HSPA12A: variants seen among roughly 807,000 people sequenced by gnomAD.
HSPA12A encodes heat shock 70 kDa protein 12A.
In HSPA12A, 28 loss-of-function variants were observed where a neutral mutation model predicts 69.2. That is an observed-to-expected ratio of 0.40 (90% CI 0.30 to 0.55). HSPA12A has a LOEUF of 0.55. HSPA12A is among the 20% of genes least tolerant of loss of function. The pLI, the probability that HSPA12A is intolerant of heterozygous loss-of-function variation, is 0.38. For missense variants in HSPA12A, 686 were observed against 900.7 expected, an observed-to-expected ratio of 0.76 and a Z score of 3.05; for synonymous variants, 345 against 370.5, an observed-to-expected ratio of 0.93 and a Z score of 0.79.
chr10:116,791,551 T>G (rs1844700087), intron 2 of HSPA12A, among the ~76,000 whole-genome samples: 1 of 152,220 alleles, frequency 6.6e-6, no homozygotes, highest in African/African-American at 2.4e-5. Flanking sequence ...ATGTCTCAAA[T>G]GCCTAATGCT....
upstream of HSPA12A, chr10:116,850,026 G>C (rs1363679713): frequency 6.3e-5 from 36 of 568,756 alleles, 1 homozygote; most frequent in South Asian, 6.6e-4. Context: ...CGCTGCCTAA[G>C]AGGCCTCTCC....
intron 10 of HSPA12A, among the ~76,000 whole-genome samples, chr10:116,677,312 G>A (rs531028056): frequency 2.0e-5 from 3 of 152,168 alleles, no homozygotes; most frequent in South Asian, 2.1e-4. Flanking sequence ...AGCAAATGGC[G>A]CCTCTGTCCC....
chr10:116,795,955 G>A (rs1844814231), intron 2 of HSPA12A, among the ~76,000 whole-genome samples: 1 of 150,730 alleles, frequency 6.6e-6, no homozygotes, highest in Non-Finnish European at 1.5e-5. Context: ...GATCATCCGG[G>A]CTAACATGGT....
chr10:116,782,891 C>T (rs1554891960), intron 2 of HSPA12A, among the ~76,000 whole-genome samples: 1 of 152,144 alleles, frequency 6.6e-6, no homozygotes, highest in Non-Finnish European at 1.5e-5. Flanking sequence ...AGGCCTGATG[C>T]CTGGCAACAT....
intron 2 of HSPA12A, among the ~76,000 whole-genome samples, chr10:116,816,850 A>C (rs961214054): frequency 3.3e-5 from 5 of 152,040 alleles, no homozygotes; most frequent in South Asian, 2.1e-4. Flanking sequence ...GCTTCCAACA[A>C]CACCTTTGCT....
In HSPA12A at chr10:116,705,200, C is replaced by T. The variant is rs1480638222; in HGVS notation, c.205G>A (p.Gly69Ser). ...TCCTTGGTGAAGCTGTAGGCATAGC[C>T]ACTGGATGTGGTCCCAAAGTCGACG... is the stretch of plus-strand genomic sequence containing the variant. ...VAVDFGTTSS[G>S]YAYSFTKEPE... Residue 69 changes from glycine to serine, a missense_variant, in exon 3 of 12, where the codon GGC (glycine) becomes AGC (serine). Physicochemically the swap from Gly to Ser is moderately conservative, Grantham distance 56. Transcript: ENST00000369209. 2 of 1,614,096 alleles carry T rather than the reference C, an allele frequency of 1.2e-6. No homozygotes were observed. The highest frequency in any genetic ancestry group is 1.7e-5 in the Admixed American group (1 of 60,014).
chr10:116,795,880 C>T (rs1263715694), intron 2 of HSPA12A, among the ~76,000 whole-genome samples: 1 of 151,080 alleles, frequency 6.6e-6, no homozygotes, highest in Non-Finnish European at 1.5e-5. Context: ...GGCGCGGTGG[C>T]TCATGCCTGT....
At chr10:116,840,162 T>G (rs1845781954) in intron 1 of HSPA12A, among the ~76,000 whole-genome samples, 1 of 152,224 alleles carries the variant, frequency 6.6e-6, no homozygotes, top group Non-Finnish European at 1.5e-5. Context: ...ATATCCTGTT[T>G]TGCAGACTTA....
At chr10:116,737,201 C>G (rs1851343462) in intron 1 of HSPA12A, among the ~76,000 whole-genome samples, 1 of 152,074 alleles carries the variant, frequency 6.6e-6, no homozygotes, top group Non-Finnish European at 1.5e-5. Flanking sequence ...GCAGTCTGGC[C>G]CCAGATCTCA....
intron 2 of HSPA12A, among the ~76,000 whole-genome samples, chr10:116,773,532 C>G (rs1351553861): frequency 2.0e-5 from 3 of 152,368 alleles, no homozygotes; most frequent in Middle Eastern, 3.4e-3. Context: ...TGCCTCCCTT[C>G]TGTCACCTCT....
At chr10:116,742,346 G>C (rs1268895499) in intron 1 of HSPA12A, 84 bp downstream of exon 1, 2 of 1,311,828 alleles carry the variant, frequency 1.5e-6, no homozygotes, top group Non-Finnish European at 2.0e-6. Flanking sequence ...CGGCGCGCGA[G>C]GGGGTGCGGA....
intron 2 of HSPA12A, among the ~76,000 whole-genome samples, chr10:116,802,156 C>T (rs983139525): frequency 5.3e-5 from 8 of 152,112 alleles, no homozygotes; most frequent in African/African-American, 1.4e-4. Context: ...CAAAATGACC[C>T]GACCAAGTGT....
At chr10:116,704,136 T>A (rs1433610194) in intron 3 of HSPA12A, among the ~76,000 whole-genome samples, 1 of 152,234 alleles carries the variant, frequency 6.6e-6, no homozygotes, top group Non-Finnish European at 1.5e-5. Flanking sequence ...TTATAAATCA[T>A]GCTGCTGTAA....
At chr10:116,800,361 T>TG (rs1207178775) in intron 2 of HSPA12A, among the ~76,000 whole-genome samples, 2 of 74,356 alleles carry the variant, frequency 2.7e-5, no homozygotes, top group Non-Finnish European at 8.2e-5. Flanking sequence ...GGTGAGGGGG[T>TG]GGGGGTGCCA....
Position 116,679,560 on chromosome 10 carries a change from A to G in HSPA12A, c.1229T>C (p.Ile410Thr), listed in dbSNP as rs782207349. The G allele has an allele frequency of 1.5e-5, 25 of 1,614,244 alleles. No homozygotes were observed. Among genetic ancestry groups the G allele is most frequent in the Non-Finnish European group, 1.9e-5 (23 of 1,180,038 alleles). Residue 410 changes from isoleucine to threonine, a missense_variant, in exon 10 of 12, where the codon ATT becomes ACT. Ile to Thr is a moderately conservative substitution (Grantham distance 89, BLOSUM62 -1). Transcript: ENST00000369209. ...PLNITLPFSF[I>T]DYYKKFRGHS... ...CCCGCGGAACTTCTTGTAGTAGTCAATGAAGGAGAAGGGCAGGGTGATGTT... is the reference window on the plus strand; with the variant it reads ...CCCGCGGAACTTCTTGTAGTAGTCAGTGAAGGAGAAGGGCAGGGTGATGTT...
intron 2 of HSPA12A, among the ~76,000 whole-genome samples, chr10:116,778,118 C>T (rs1844381572): frequency 6.6e-6 from 1 of 152,196 alleles, no homozygotes; most frequent in Non-Finnish European, 1.5e-5. Context: ...AGCCGCACAT[C>T]ATTGGGGGGG....
chr10:116,802,179 C>T (rs1844971799), intron 2 of HSPA12A, among the ~76,000 whole-genome samples: 1 of 152,138 alleles, frequency 6.6e-6, no homozygotes, highest in Non-Finnish European at 1.5e-5. Flanking sequence ...ATGGGGTGTT[C>T]TTTATGGCAT....
At chr10:116,808,159 T>C (rs1041066179) in intron 2 of HSPA12A, among the ~76,000 whole-genome samples, 2 of 152,074 alleles carry the variant, frequency 1.3e-5, no homozygotes, top group African/African-American at 4.8e-5. Flanking sequence ...TGGAGGAATA[T>C]AGAAGAGTTT....
intron 7 of HSPA12A, among the ~76,000 whole-genome samples, chr10:116,682,615 T>C (rs1456108472): frequency 6.6e-6 from 1 of 152,180 alleles, no homozygotes; most frequent in East Asian, 1.9e-4. Flanking sequence ...CGGAGACGCC[T>C]ATGTGGCTAT....
Sources: allele counts gnomAD v4.1 joint callset (sites outside exome capture counted in the v4.1 genomes callset), GRCh38; gene constraint gnomAD v4.1.1; transcripts MANE v1.5; gene names NCBI Gene and HGNC (gene_info 2026-07-23, HGNC 2026-07-21).